Variants in USP37 observed in about 807,000 individuals in gnomAD.
USP37 encodes the protein ubiquitin specific peptidase 37.
USP37 carries 27 observed loss-of-function variants against 124.0 expected under a neutral mutation model. The observed-to-expected ratio is 0.22, with a 90% confidence interval of 0.16 to 0.30. USP37 has a LOEUF of 0.30. Ranked by LOEUF, USP37 falls within the 10% of genes least tolerant of loss-of-function variation. The pLI, the probability that USP37 is intolerant of heterozygous loss-of-function variation, is 1.00. For missense variants in USP37, 889 were observed against 1,140.4 expected, an observed-to-expected ratio of 0.78 and a Z score of 3.17; for synonymous variants, 365 against 388.0, an observed-to-expected ratio of 0.94 and a Z score of 0.70.
intron 6 of USP37, among the ~76,000 whole-genome samples, chr2:218,548,740 C>A (rs1692511630): frequency 6.6e-6 from 1 of 151,856 alleles, no homozygotes; most frequent in Non-Finnish European, 1.5e-5. Context: ...TTAATATGTA[C>A]AATATTCTCT....
chr2:218,542,129 C>T (rs1398527554), intron 8 of USP37, among the ~76,000 whole-genome samples: 1 of 152,198 alleles, frequency 6.6e-6, no homozygotes, highest in East Asian at 1.9e-4. Context: ...CCTGAGATCA[C>T]ACTCTTGCTT....
chr2:218,488,959 C>A (rs578093442), intron 14 of USP37, among the ~76,000 whole-genome samples: 35 of 152,092 alleles, frequency 2.3e-4, no homozygotes, highest in Admixed American at 2.2e-3. Flanking sequence ...ATATAAGCAA[C>A]CCCCAAACTT....
At chr2:218,481,964 T>C (rs1383377555) in intron 17 of USP37, 106 bp downstream of exon 17, 1 of 1,335,588 alleles carries the variant, frequency 7.5e-7, no homozygotes, top group Non-Finnish European at 1.0e-6. Flanking sequence ...ATTGATCTGA[T>C]TTTACCTTGG....
At chr2:218,500,141 C>G (rs969755497) in intron 11 of USP37, among the ~76,000 whole-genome samples, 1 of 152,042 alleles carries the variant, frequency 6.6e-6, no homozygotes, top group Non-Finnish European at 1.5e-5. Context: ...GTGGCGTGAT[C>G]TCAGTTCACT....
intron 11 of USP37, among the ~76,000 whole-genome samples, chr2:218,501,877 C>T (rs1278082288): frequency 1.3e-5 from 2 of 152,176 alleles, no homozygotes; most frequent in African/African-American, 2.4e-5. Flanking sequence ...TCAAGAACAA[C>T]TTCAAGGAAA....
chr2:218,533,863 G>T (rs139345140), intron 9 of USP37, among the ~76,000 whole-genome samples: 1 of 152,194 alleles, frequency 6.6e-6, no homozygotes, highest in African/African-American at 2.4e-5. Flanking sequence ...GAACAGATAC[G>T]TTAAGTGTGG....
intron 22 of USP37, among the ~76,000 whole-genome samples, chr2:218,461,931 TG>T (rs1277991100): frequency 1.3e-5 from 2 of 152,152 alleles, no homozygotes; most frequent in African/African-American, 4.8e-5. Flanking sequence ...CCAACGCAGG[TG>T]GATCACCTAA....
intron 14 of USP37, among the ~76,000 whole-genome samples, chr2:218,492,355 G>A (rs1444723776): frequency 1.3e-5 from 2 of 152,216 alleles, no homozygotes; most frequent in East Asian, 3.8e-4. Context: ...AAAATAGAAT[G>A]AGCAAGGGAA....
chr2:218,467,853 T>C (rs1690438688), intron 20 of USP37, among the ~76,000 whole-genome samples: 1 of 152,006 alleles, frequency 6.6e-6, no homozygotes, highest in African/African-American at 2.4e-5. Context: ...TTTCTGGTTA[T>C]CTGAATTGTT....
intron 5 of USP37, 96 bp downstream of exon 5, chr2:218,553,457 T>C: frequency 1.7e-6 from 2 of 1,174,828 alleles, no homozygotes; most frequent in Non-Finnish European, 2.3e-6. Context: ...TATAATCCTT[T>C]TAATGTGCTG....
intron 19 of USP37, 117 bp from the exon 20 acceptor site, chr2:218,475,002 G>T: frequency 9.3e-7 from 1 of 1,073,946 alleles, no homozygotes; most frequent in Non-Finnish European, 1.3e-6. Flanking sequence ...GATGCTTTGG[G>T]TTATTTAACA....
chr2:218,467,177 C>T lies in USP37; in HGVS notation c.2300-1001G>A, dbSNP rs558384547. ...AGGAAGGTAAGAAATCCCCTCCCCC[C>T]TCCTCCCTTCCCCCTCCCCCTGCCC... On this transcript the variant is annotated intron_variant, in intron 20 of 25. Transcript: ENST00000258399. Among the ~76,000 whole-genome samples, 504 of 151,458 alleles carry T rather than the reference C, an allele frequency of 3.3e-3. 1 individual carries two copies. Among genetic ancestry groups the T allele is most frequent in the Non-Finnish European group, 5.7e-3 (387 of 67,788 alleles).
rs1169214870 is a variant in USP37, at chr2:218,568,195, A to C, written c.-247T>G. On this transcript the variant is annotated 5_prime_UTR_variant, in exon 1 of 26. Coordinates refer to ENST00000258399, the MANE Select transcript of USP37 (RefSeq NM_020935.3). ...CGCCTTACCTGCGCCGAGGGTCCGG[A>C]GCCCCCGGACAGACCCGCGGAAAGC... is the stretch of plus-strand genomic sequence containing the variant. 6.6e-6 allele frequency: 1 copy of C among 152,382 alleles called. No homozygotes were observed. Among genetic ancestry groups the C allele is most frequent in the East Asian group, 1.9e-4 (1 of 5,196 alleles). The allele number at this position is 152,382 out of a possible 1,614,324, so 9.4% of individuals were successfully genotyped here. A position where few individuals can be genotyped will look rare whatever the true frequency, so the allele number is the denominator to read the frequency against.
chr2:218,551,677 G>A (rs1047807187), intron 5 of USP37, among the ~76,000 whole-genome samples: 4 of 152,104 alleles, frequency 2.6e-5, no homozygotes, highest in Non-Finnish European at 5.9e-5. Flanking sequence ...TTTCTTACAC[G>A]TATCAATTGT....
rs1283952948 is a variant in USP37 at position 218,452,480 on chromosome 2, GA to G, written c.*2449del. On this transcript the variant is annotated 3_prime_UTR_variant, in exon 26 of 26. Coordinates refer to ENST00000258399, the MANE Select transcript of USP37 (RefSeq NM_020935.3). ...ATCTCCACTGGTAGTCAAAGAAGTA[GA>G]TTAAAGGAGTAAAGGAAGGAGAAGG... 6.6e-6 allele frequency: 1 copy of G among 152,178 alleles called. No individual in the cohort carries two copies. The highest frequency in any genetic ancestry group is 1.5e-5 in the Non-Finnish European group (1 of 68,030). The allele number at this position is 152,178 out of a possible 1,614,324, so 9.4% of individuals were successfully genotyped here.
At chr2:218,555,672 T>C (rs963959851) in intron 4 of USP37, among the ~76,000 whole-genome samples, 1 of 152,162 alleles carries the variant, frequency 6.6e-6, no homozygotes, top group African/African-American at 2.4e-5. Context: ...ACAATTTCAG[T>C]AACTATTCAT....
At chr2:218,458,822 T>C (rs1482217726) in intron 23 of USP37, among the ~76,000 whole-genome samples, 2 of 151,712 alleles carry the variant, frequency 1.3e-5, no homozygotes, top group Non-Finnish European at 2.9e-5. Context: ...GTTCCAGCCA[T>C]TTGGAAGGCT....
At chr2:218,542,462 C>T (rs1311027461) in intron 8 of USP37, among the ~76,000 whole-genome samples, 1 of 151,872 alleles carries the variant, frequency 6.6e-6, no homozygotes, top group African/African-American at 2.4e-5. Flanking sequence ...TAAAGTAACC[C>T]TACATTTCTT....
chr2:218,470,796 A>C (rs1183495035), intron 20 of USP37, among the ~76,000 whole-genome samples: 2 of 152,188 alleles, frequency 1.3e-5, no homozygotes, highest in African/African-American at 2.4e-5. Context: ...CTGATTCACA[A>C]AACAGCCCAA....
Sources: gnomAD v4.1 joint callset for allele counts (sites outside exome capture counted in the v4.1 genomes callset) on GRCh38, gnomAD v4.1.1 for gene constraint, MANE v1.5 for transcripts, NCBI Gene and HGNC (gene_info 2026-07-23, HGNC 2026-07-21) for gene names.